The following NKAIN2 variants were observed in gnomAD, a reference collection of about 807,000 sequenced individuals.
NKAIN2 encodes the protein sodium/potassium transporting ATPase interacting 2, also known as sodium/potassium-transporting ATPase subunit beta-1-interacting protein 2.
A neutral mutation model predicts 32.6 loss-of-function variants in NKAIN2; 14 were observed. That is an observed-to-expected ratio of 0.43 (90% CI 0.28 to 0.67). The LOEUF (loss-of-function observed/expected upper bound fraction) is 0.67, where lower values mean the gene tolerates loss of function less well. Ranked by LOEUF, NKAIN2 falls within the 30% of genes least tolerant of loss-of-function variation. The pLI, the probability that NKAIN2 is intolerant of heterozygous loss-of-function variation, is 0.17. For missense variants in NKAIN2, 198 were observed against 258.3 expected (o/e 0.77, Z 1.60); for synonymous variants, 80 against 87.2 (o/e 0.92, Z 0.46).
intron 4 of NKAIN2, among the ~76,000 whole-genome samples, chr6:124,723,012 C>A (rs562329117): frequency 6.6e-6 from 1 of 152,188 alleles, no homozygotes; most frequent in African/African-American, 2.4e-5. Flanking sequence ...AGAGATTGGG[C>A]CTCACAATAT....
chr6:123,866,029 A>G (rs994138882), intron 1 of NKAIN2, among the ~76,000 whole-genome samples: 2 of 152,230 alleles, frequency 1.3e-5, no homozygotes, highest in Admixed American at 1.3e-4. Flanking sequence ...CATGAAGGAT[A>G]CCATAGGTAG....
intron 4 of NKAIN2, among the ~76,000 whole-genome samples, chr6:124,683,153 C>G (rs1773701730): frequency 6.6e-6 from 1 of 152,156 alleles, no homozygotes; most frequent in Non-Finnish European, 1.5e-5. Context: ...GTGCCATTAA[C>G]TGAAATAAAA....
At chr6:124,358,590 G>GCC (rs1455359747) in intron 3 of NKAIN2, among the ~76,000 whole-genome samples, 1 of 152,166 alleles carries the variant, frequency 6.6e-6, no homozygotes, top group African/African-American at 2.4e-5. Flanking sequence ...AGAAGTGTCT[G>GCC]TTTATATCCT....
At chr6:124,360,421 A>G (rs1261752169) in intron 3 of NKAIN2, among the ~76,000 whole-genome samples, 2 of 152,166 alleles carry the variant, frequency 1.3e-5, no homozygotes, top group Non-Finnish European at 2.9e-5. Flanking sequence ...GTGTACATTC[A>G]TATTGAAATG....
intron 3 of NKAIN2, among the ~76,000 whole-genome samples, chr6:124,463,655 G>C (rs1006803107): frequency 6.6e-6 from 1 of 151,798 alleles, no homozygotes; most frequent in East Asian, 1.9e-4. Context: ...CTATCTCATC[G>C]TACCTTTCTT....
chr6:123,973,854 A>G (rs926140850), intron 1 of NKAIN2, among the ~76,000 whole-genome samples: 3 of 152,138 alleles, frequency 2.0e-5, no homozygotes, highest in African/African-American at 7.2e-5. Flanking sequence ...TGATAAATAC[A>G]TGCTCTGAAA....
intron 2 of NKAIN2, among the ~76,000 whole-genome samples, chr6:124,346,631 G>A (rs377222085): frequency 0.017 from 2,568 of 151,424 alleles, 76 homozygotes; most frequent in East Asian, 0.11. Flanking sequence ...TTTAAAGTCT[G>A]TTTTATCAGA....
chr6:124,418,954 A>G (rs1356972214), intron 3 of NKAIN2, among the ~76,000 whole-genome samples: 1 of 152,052 alleles, frequency 6.6e-6, no homozygotes, highest in African/African-American at 2.4e-5. Context: ...GCTTTGCAAA[A>G]TTCTTTAATA....
chr6:124,699,598 T>G (rs1045208526), intron 4 of NKAIN2, among the ~76,000 whole-genome samples: 1 of 152,104 alleles, frequency 6.6e-6, no homozygotes, highest in Non-Finnish European at 1.5e-5. Context: ...CATCTGGTTT[T>G]TTAAAAGTGT....
At chr6:124,799,784 A>C (rs899300102) in intron 5 of NKAIN2, among the ~76,000 whole-genome samples, 1 of 152,170 alleles carries the variant, frequency 6.6e-6, no homozygotes, top group African/African-American at 2.4e-5. Context: ...TTGAAGGAGG[A>C]GAAAGTAGTG....
chr6:124,426,861 A>T (rs549325238), intron 3 of NKAIN2, among the ~76,000 whole-genome samples: 1 of 152,012 alleles, frequency 6.6e-6, no homozygotes, highest in Non-Finnish European at 1.5e-5. Flanking sequence ...TATAAAGGGG[A>T]GTTTCCCTGA....
Position 124,210,319 on chromosome 6 carries a change from A to G in NKAIN2, c.55-72686A>G, listed in dbSNP as rs751761751. Among the ~76,000 whole-genome samples, 376 of 152,004 alleles carry G rather than the reference A, an allele frequency of 2.5e-3. 5 individuals are homozygous for G. Among genetic ancestry groups the G allele is most frequent in the Non-Finnish European group, 2.2e-3 (150 of 67,888 alleles). ...ATGTGTCTGTTTTTATGCCAGCACCATGCTGTTTCGATTACTATAACTATG... is the reference window on the plus strand; with the variant it reads ...ATGTGTCTGTTTTTATGCCAGCACCGTGCTGTTTCGATTACTATAACTATG... On this transcript the variant is annotated intron_variant, in intron 1 of 6. Coordinates refer to ENST00000368417, the MANE Select transcript of NKAIN2 (RefSeq NM_001040214.3).
At chr6:124,645,413 A>T (rs1287822146) in intron 3 of NKAIN2, among the ~76,000 whole-genome samples, 1 of 152,196 alleles carries the variant, frequency 6.6e-6, no homozygotes, top group Non-Finnish European at 1.5e-5. Flanking sequence ...CAGCATCAGC[A>T]GTTTCTAAAC....
rs1485041538 is a variant in NKAIN2, at chr6:123,804,108, T to A, written c.-93T>A. The stretch of plus-strand genomic sequence containing the variant: ...GGAGCCCCCGAGCCCTCGGCAGGTT[T>A]GCGTGTCCTTCCCCGCGATCTGATT... On this transcript the variant is annotated 5_prime_UTR_variant, in exon 1 of 7. The change creates a premature stop within an existing upstream ORF in the 5' untranslated region. Transcript: ENST00000368417. 4.2e-6 allele frequency: 5 copies of A among 1,198,780 alleles called. No homozygotes were observed. The highest frequency in any genetic ancestry group is 3.4e-5 in the Admixed American group (2 of 59,436). 74.3% of individuals were successfully genotyped at this position (1,198,780 alleles called of 1,614,324 possible).
chr6:124,115,873 T>A (rs953794233), intron 1 of NKAIN2, among the ~76,000 whole-genome samples: 8 of 152,090 alleles, frequency 5.3e-5, no homozygotes, highest in Non-Finnish European at 1.0e-4. Flanking sequence ...AATTAAAAAC[T>A]GTAGCTCCTC....
chr6:124,544,430 T>G (rs934847641), intron 3 of NKAIN2, among the ~76,000 whole-genome samples: 2 of 148,310 alleles, frequency 1.3e-5, no homozygotes, highest in Admixed American at 6.7e-5. Context: ...GTCCTCCCCT[T>G]TAGCAGGTAC....
At position 124,731,513 on chromosome 6, in the gene NKAIN2, A is replaced by T. The variant is rs1248511089; in HGVS notation, c.475-59826A>T. Among the ~76,000 whole-genome samples the T allele has an allele frequency of 4.6e-5, 6 of 130,276 alleles. No individual in the cohort carries two copies. The East Asian group carries it at 9.6e-4, about 21-fold the overall frequency. 85.5% of individuals were successfully genotyped at this position (130,276 alleles called of 152,430 possible). A position where few individuals can be genotyped will look rare whatever the true frequency, so the allele number is the denominator to read the frequency against. Reference sequence around the variant, plus strand: ...TCATAGGTGGGAATTGAACAATGAGATCACATGGACACAGGAAGGGGAATA... The same window carrying T: ...TCATAGGTGGGAATTGAACAATGAGTTCACATGGACACAGGAAGGGGAATA... On this transcript the variant is annotated intron_variant, in intron 4 of 6. Coordinates refer to ENST00000368417, the MANE Select transcript of NKAIN2 (RefSeq NM_001040214.3).
At chr6:124,201,602 A>G (rs974026892) in intron 1 of NKAIN2, among the ~76,000 whole-genome samples, 2 of 152,024 alleles carry the variant, frequency 1.3e-5, no homozygotes, top group East Asian at 1.9e-4. Flanking sequence ...AAATAACACA[A>G]TATTTTGCAT....
chr6:123,918,600 A>C (rs1775605206), intron 1 of NKAIN2, among the ~76,000 whole-genome samples: 1 of 152,116 alleles, frequency 6.6e-6, no homozygotes, highest in Non-Finnish European at 1.5e-5. Context: ...ATTATTCTAG[A>C]TATTTCTGTT....
Sources: allele counts gnomAD v4.1 joint callset (sites outside exome capture counted in the v4.1 genomes callset), GRCh38; gene constraint gnomAD v4.1.1; transcripts MANE v1.5; gene names NCBI Gene and HGNC (gene_info 2026-07-23, HGNC 2026-07-21).